The following AK9 variants were observed in gnomAD, a reference collection of about 807,000 sequenced individuals.
The protein encoded by AK9 is adenylate kinase 9.
AK9 carries 191 observed loss-of-function variants against 239.6 expected under a neutral mutation model. The ratio of observed to expected loss-of-function variants is 0.80; its 90% CI spans 0.71 to 0.90. AK9 has a LOEUF of 0.90. AK9 is among the 40% of genes least tolerant of loss of function. AK9 has a pLI of 0.00. For missense variants in AK9, 1,995 were observed against 2,214.7 expected (o/e 0.90, Z 1.99); for synonymous variants, 689 against 721.0 (o/e 0.96, Z 0.71).
At chr6:109,588,594 C>T (rs181795681) in intron 17 of AK9, among the ~76,000 whole-genome samples, 51 of 152,162 alleles carry the variant, frequency 3.4e-4, no homozygotes, top group East Asian at 2.7e-3. Context: ...CATTTAATTA[C>T]GTCCTATTTG....
chr6:109,606,111 T>A (rs1343951350), intron 17 of AK9, among the ~76,000 whole-genome samples: 4 of 152,146 alleles, frequency 2.6e-5, no homozygotes, highest in Non-Finnish European at 5.9e-5. Flanking sequence ...AAAAATGGTA[T>A]AACATTTTTA....
intron 28 of AK9, 83 bp downstream of exon 28, chr6:109,533,168 A>AT (rs1204095043): frequency 1.9e-6 from 2 of 1,039,674 alleles, no homozygotes; most frequent in Non-Finnish European, 1.3e-6. Flanking sequence ...AGAATACTAT[A>AT]TTTTTTGTGA....
chr6:109,506,677 G>A lies in AK9; in HGVS notation c.4605C>T (p.Leu1535=). ...VPSKEIFKRL[L]LEKENEQRLP... ...ACCTTTGTTCATTTTCTTTTTCTAG[G>A]AGCAATCTTTTGAAAATCTCCTTGG... Residue 1535 remains leucine, a synonymous_variant, in exon 34 of 41, where the codon CTC becomes CTT. Transcript: ENST00000424296. 6.5e-7 allele frequency: 1 copy of A among 1,531,664 alleles called. No homozygotes were observed. 94.9% of individuals were successfully genotyped at this position (1,531,664 alleles called of 1,614,324 possible).
intron 12 of AK9, 105 bp from the exon 13 acceptor site, chr6:109,619,341 C>T: frequency 8.3e-7 from 1 of 1,203,802 alleles, no homozygotes; most frequent in East Asian, 2.9e-5. Flanking sequence ...TATCTCTATT[C>T]CAAAAATATT....
rs9374111 is a variant in AK9, at chr6:109,633,315, T to C, written c.942A>G (p.Leu314=). The change falls in exon 11 of 41, where the codon CTA becomes CTG. Residue 314 remains leucine, a synonymous_variant. Coordinates refer to ENST00000424296, the MANE Select transcript of AK9 (RefSeq NM_001145128.3). ...GTTTATAAGATGCAAGAGTACGAAA[T>C]AGCTCATCCTGTGAATTGCAAATAC... The part of the protein sequence containing the change: ...EINDTMENDE[L]FRTLASYKLI... The C allele has an allele frequency of 0.23, 369,762 of 1,595,142 alleles. 44,208 individuals are homozygous for C. The highest frequency in any genetic ancestry group is 0.31 in the South Asian group (27,228 of 86,724).
chr6:109,541,998 A>G, intron 27 of AK9, 49 bp downstream of exon 27: 1 of 1,423,718 alleles, frequency 7.0e-7, no homozygotes, highest in Non-Finnish European at 9.4e-7. Context: ...TTTTAAGAAT[A>G]AAACAAATAA....
intron 40 of AK9, 102 bp downstream of exon 40, chr6:109,493,875 TTCTC>T: frequency 1.2e-6 from 1 of 836,576 alleles, no homozygotes; most frequent in Non-Finnish European, 1.9e-6. Flanking sequence ...CACTCTCTCT[TTCTC>T]TCTCACCAAG....
intron 17 of AK9, among the ~76,000 whole-genome samples, chr6:109,588,061 A>G (rs918091459): frequency 4.6e-5 from 7 of 150,746 alleles, no homozygotes; most frequent in Non-Finnish European, 1.0e-4. Context: ...ACTTTTTTTC[A>G]TATGTTTGCT....
chr6:109,612,315 A>T (rs1024915226), intron 15 of AK9, among the ~76,000 whole-genome samples: 3 of 152,200 alleles, frequency 2.0e-5, no homozygotes, highest in African/African-American at 7.2e-5. Flanking sequence ...ATGCCAATGG[A>T]TCTAAATAGA....
At chr6:109,535,291 C>T (rs996070477) in intron 27 of AK9, among the ~76,000 whole-genome samples, 2 of 152,096 alleles carry the variant, frequency 1.3e-5, no homozygotes, top group South Asian at 2.1e-4. Flanking sequence ...TTTTAATGAT[C>T]GCCATTCTAA....
chr6:109,621,903 AAAAAAAAAAC>A (rs1179664497), intron 12 of AK9, among the ~76,000 whole-genome samples: 5,260 of 65,978 alleles, frequency 0.08, 130 homozygotes, highest in South Asian at 0.2. Flanking sequence ...TAAAAAAAAA[AAAAAAAAAAC>A]AAAAAAAAAA....
intron 31 of AK9, among the ~76,000 whole-genome samples, chr6:109,515,407 T>C (rs141879664): frequency 3.9e-5 from 6 of 152,284 alleles, no homozygotes; most frequent in African/African-American, 1.2e-4. Flanking sequence ...GACTGGGCAA[T>C]TGATCAATGC....
intron 21 of AK9, among the ~76,000 whole-genome samples, chr6:109,568,744 G>A (rs1019090069): frequency 1.4e-4 from 21 of 152,230 alleles, no homozygotes; most frequent in African/African-American, 4.8e-4. Context: ...ACCTCTTCAA[G>A]GAGAACTACA....
chr6:109,579,684 T>C, intron 19 of AK9, 58 bp from the exon 20 acceptor site: 1 of 1,396,738 alleles, frequency 7.2e-7, no homozygotes, highest in East Asian at 2.5e-5. Flanking sequence ...CTCACACTAT[T>C]ACAGGATTAA....
chr6:109,527,458 A>G (rs1780666318), intron 29 of AK9, among the ~76,000 whole-genome samples: 3 of 152,212 alleles, frequency 2.0e-5, no homozygotes, highest in African/African-American at 7.2e-5. Context: ...AGTGAGCTCC[A>G]GTATAGATGT....
chr6:109,493,524 T>C lies in AK9; in HGVS notation c.5581A>G (p.Lys1861Glu). 1 of 1,614,100 alleles carries C rather than the reference T, an allele frequency of 6.2e-7. No homozygotes were observed. The highest frequency in any genetic ancestry group is 8.5e-7 in the Non-Finnish European group (1 of 1,180,012). The change falls in exon 41 of 41, where the codon AAG (lysine) becomes GAG (glutamate). Residue 1861 changes from lysine (K) to glutamate (E), a missense_variant. By Grantham distance (56) the Lys-to-Glu change is moderately conservative (BLOSUM62 1). Transcript: ENST00000424296. The stretch of plus-strand genomic sequence containing the variant: ...CAACTCTCCATAAACTGCTCCATCT[T>C]CTTCTTATACTTTTTTCTTGTGTAT... Reference protein sequence around the residue: ...SEYTRKKYKKKMEQFMESCEL... With the variant: ...SEYTRKKYKKEMEQFMESCEL...
At chr6:109,528,178 A>G in intron 29 of AK9, 1 of 279,444 alleles carries the variant, frequency 3.6e-6, no homozygotes, top group Non-Finnish European at 7.0e-6. Flanking sequence ...AAACATTTGA[A>G]GTGATTCAGA....
Position 109,564,135 on chromosome 6 carries a change from C to T in AK9, c.2580G>A (p.Glu860=). 11 of 1,551,438 alleles carry T rather than the reference C, an allele frequency of 7.1e-6. No homozygotes were observed. The highest frequency in any genetic ancestry group is 9.6e-6 in the Non-Finnish European group (11 of 1,146,862). The change falls in exon 23 of 41, where the codon GAG becomes GAA. Residue 860 remains glutamate (E), a synonymous_variant. Coordinates refer to ENST00000424296, the MANE Select transcript of AK9 (RefSeq NM_001145128.3). ...ATTCCTGTGGAGTTCTGTCAGCAAT[C>T]TCCAAGTTTAAAATTTTAATGTAAG... is the stretch of plus-strand genomic sequence containing the variant. ...SEAYIKILNL[E]IADRTPQELL... is the part of the protein sequence containing the mutation.
At position 109,573,600 on chromosome 6, in the gene AK9, A is replaced by T; in HGVS notation, c.2192-6T>A. 6.5e-7 allele frequency: 1 copy of T among 1,534,728 alleles called. No homozygotes were observed. The highest frequency in any genetic ancestry group is 8.8e-7 in the Non-Finnish European group (1 of 1,140,698). On this transcript the variant is annotated splice_region_variant and splice_polypyrimidine_tract_variant and intron_variant, in intron 20 of 40. Transcript: ENST00000424296. ...ATTATCAGTCTCTTCAGCTTCTAAA[A>T]AAATTTGAAGAAATAAATTATCATT...
Sources: allele counts gnomAD v4.1 joint callset (sites outside exome capture counted in the v4.1 genomes callset), GRCh38; gene constraint gnomAD v4.1.1; transcripts MANE v1.5; gene names NCBI Gene and HGNC (gene_info 2026-07-23, HGNC 2026-07-21).